The following DEUP1 variants were observed in gnomAD, a reference collection of about 807,000 sequenced individuals.
DEUP1 encodes the protein coiled-coil domain containing 67.
DEUP1 carries 82 observed loss-of-function variants against 87.4 expected under a neutral mutation model. That is an observed-to-expected ratio of 0.94 (90% CI 0.78 to 1.13). The LOEUF (loss-of-function observed/expected upper bound fraction) is 1.13, where lower values mean the gene tolerates loss of function less well. Among genes scored for constraint, DEUP1 ranks in the 50% most tolerant of loss-of-function variants. DEUP1 has a pLI of 0.00. For missense variants in DEUP1, 663 were observed against 681.5 expected (o/e 0.97, Z 0.30); for synonymous variants, 214 against 222.7 (o/e 0.96, Z 0.35).
At chr11:93,376,787 G>C (rs575518471) in intron 7 of DEUP1, among the ~76,000 whole-genome samples, 60 of 152,228 alleles carry the variant, frequency 3.9e-4, no homozygotes, top group African/African-American at 1.3e-3. Flanking sequence ...TACTGCTTTT[G>C]CTGTATCCCA....
At chr11:93,390,221 G>A (rs1946725301) in intron 9 of DEUP1, among the ~76,000 whole-genome samples, 1 of 152,172 alleles carries the variant, frequency 6.6e-6, no homozygotes, top group Non-Finnish European at 1.5e-5. Context: ...TAAATACTTA[G>A]AGAATGAGTT....
At chr11:93,376,132 T>C (rs1946027451) in intron 7 of DEUP1, among the ~76,000 whole-genome samples, 1 of 152,008 alleles carries the variant, frequency 6.6e-6, no homozygotes, top group East Asian at 1.9e-4. Flanking sequence ...TATTTTTTAG[T>C]GTATTTTTGT....
intron 13 of DEUP1, among the ~76,000 whole-genome samples, chr11:93,432,821 T>C (rs1421827306): frequency 2.6e-5 from 4 of 152,180 alleles, no homozygotes; most frequent in East Asian, 1.9e-4. Context: ...AGATTAAGCA[T>C]GCTGGAAGGA....
At chr11:93,420,253 G>T (rs1435236521) in intron 13 of DEUP1, among the ~76,000 whole-genome samples, 1 of 152,094 alleles carries the variant, frequency 6.6e-6, no homozygotes, top group Non-Finnish European at 1.5e-5. Flanking sequence ...TGCAAGGCTG[G>T]TTCAACATAC....
intron 2 of DEUP1, among the ~76,000 whole-genome samples, chr11:93,342,698 G>A (rs1944140893): frequency 6.6e-6 from 1 of 152,190 alleles, no homozygotes; most frequent in African/African-American, 2.4e-5. Context: ...TCAAAGTTCT[G>A]TTAGTATGGA....
chr11:93,414,000 A>G (rs1325966779), intron 12 of DEUP1, among the ~76,000 whole-genome samples: 1 of 152,178 alleles, frequency 6.6e-6, no homozygotes, highest in Non-Finnish European at 1.5e-5. Context: ...AATCTTTACT[A>G]AACATTTACT....
rs116607070 is a variant in DEUP1 at position 93,415,766 on chromosome 11, C to T, written c.1638+652C>T. 7.9e-3 allele frequency among the ~76,000 whole-genome samples: 1,198 copies of T among 151,874 alleles called. 15 individuals carry two copies. The highest frequency in any genetic ancestry group is 0.028 in the African/African-American group (1,152 of 41,414). ...TTTGTTTCTGGCTTCTTTTTCTCAACCTTGTTTTTTAGATTGATCATCACC... is the reference window on the plus strand; with the variant it reads ...TTTGTTTCTGGCTTCTTTTTCTCAATCTTGTTTTTTAGATTGATCATCACC... On this transcript the variant is annotated intron_variant, in intron 13 of 13. Transcript: ENST00000298050.
At chr11:93,398,874 C>T (rs544979140) in intron 11 of DEUP1, among the ~76,000 whole-genome samples, 4 of 152,118 alleles carry the variant, frequency 2.6e-5, no homozygotes, top group African/African-American at 9.6e-5. Context: ...GCACATGCCA[C>T]CATGTCCAGC....
chr11:93,348,190 T>A (rs1480848136), intron 2 of DEUP1, among the ~76,000 whole-genome samples: 1 of 152,212 alleles, frequency 6.6e-6, no homozygotes, highest in Non-Finnish European at 1.5e-5. Flanking sequence ...AGTGGTAATT[T>A]CCCCTTTGTC....
chr11:93,375,468 A>G (rs559521454), intron 7 of DEUP1, among the ~76,000 whole-genome samples: 6 of 152,184 alleles, frequency 3.9e-5, no homozygotes, highest in Admixed American at 1.3e-4. Context: ...TTCCATGCCA[A>G]TTTTGCTGAG....
intron 5 of DEUP1, among the ~76,000 whole-genome samples, chr11:93,369,069 A>G (rs150785051): frequency 6.6e-6 from 1 of 152,284 alleles, no homozygotes; most frequent in East Asian, 1.9e-4. Context: ...ATCCCCCAGC[A>G]TAGTCAGATT....
intron 2 of DEUP1, among the ~76,000 whole-genome samples, chr11:93,336,297 A>G (rs765617578): frequency 6.6e-6 from 1 of 152,068 alleles, no homozygotes; most frequent in Non-Finnish European, 1.5e-5. Flanking sequence ...CACAAGAACA[A>G]CAAGGGGGAA....
intron 7 of DEUP1, 88 bp downstream of exon 7, chr11:93,371,368 T>C (rs1048439512): frequency 1.5e-6 from 2 of 1,305,312 alleles, no homozygotes; most frequent in Non-Finnish European, 2.1e-6. Context: ...AGAATGGTAG[T>C]TTTCTATTAT....
intron 13 of DEUP1, among the ~76,000 whole-genome samples, chr11:93,428,256 T>C (rs1947992583): frequency 6.6e-6 from 1 of 152,112 alleles, no homozygotes; most frequent in Non-Finnish European, 1.5e-5. Flanking sequence ...CATGGAATAC[T>C]ATGCAGCCAT....
intron 7 of DEUP1, among the ~76,000 whole-genome samples, chr11:93,375,653 T>C (rs1284597414): frequency 6.6e-6 from 1 of 152,212 alleles, no homozygotes; most frequent in Non-Finnish European, 1.5e-5. Context: ...CATGGTGGAT[T>C]ATCTTTGTGA....
Position 93,378,091 on chromosome 11 carries a change from G to A in DEUP1, c.789+6811G>A, listed in dbSNP as rs542637201. On this transcript the variant is annotated intron_variant, in intron 7 of 13. Transcript: ENST00000298050. ...CCTGACGACTATGTGCCTAGGCAAT[G>A]ATCTTTTTGTGATGAATTTCCCAGG... is the stretch of plus-strand genomic sequence containing the variant. Among the ~76,000 whole-genome samples the A allele has an allele frequency of 5.3e-5, 8 of 152,232 alleles. No homozygotes were observed. In the East Asian group the frequency reaches 9.6e-4, roughly 18 times the overall value.
chr11:93,388,526 G>A (rs958522533), intron 8 of DEUP1, among the ~76,000 whole-genome samples: 3 of 152,082 alleles, frequency 2.0e-5, no homozygotes, highest in African/African-American at 7.2e-5. Context: ...TATAAATTAA[G>A]CAGCCAAAGA....
intron 13 of DEUP1, among the ~76,000 whole-genome samples, chr11:93,418,946 A>G (rs1322675293): frequency 1.3e-5 from 2 of 151,272 alleles, no homozygotes; most frequent in African/African-American, 4.9e-5. Flanking sequence ...AAAACCAAAC[A>G]CTGCATATTC....
At chr11:93,355,643 C>A in intron 3 of DEUP1, 101 bp downstream of exon 3, 2 of 1,011,496 alleles carry the variant, frequency 2.0e-6, no homozygotes, top group Non-Finnish European at 2.8e-6. Context: ...TATCAGGCAT[C>A]AGCAACAGCA....
Sources: gnomAD v4.1 joint callset for allele counts (sites outside exome capture counted in the v4.1 genomes callset) on GRCh38, gnomAD v4.1.1 for gene constraint, MANE v1.5 for transcripts, NCBI Gene and HGNC (gene_info 2026-07-23, HGNC 2026-07-21) for gene names.